SLC25A12: variants seen among roughly 807,000 people sequenced by gnomAD.
SLC25A12 encodes solute carrier family 25 member 12, also known as electrogenic aspartate/glutamate antiporter SLC25A12, mitochondrial.
Under a neutral mutation model 83.3 loss-of-function variants are expected in SLC25A12, and 32 were observed. The observed-to-expected ratio is 0.38, with a 90% confidence interval of 0.29 to 0.52. The LOEUF is 0.52. Ranked by LOEUF, SLC25A12 falls within the 20% of genes least tolerant of loss-of-function variation. SLC25A12 has a pLI of 0.84. For synonymous variants in SLC25A12, 267 were observed against 291.1 expected (o/e 0.92, Z 0.84); for missense variants, 611 against 835.6 (o/e 0.73, Z 3.31).
intron 5 of SLC25A12, among the ~76,000 whole-genome samples, chr2:171,843,449 A>G (rs1684724236): frequency 6.6e-6 from 1 of 151,924 alleles, no homozygotes. Context: ...CCTGGCCAAC[A>G]TGGCAAAACC....
chr2:171,849,714 C>T (rs919623154), intron 4 of SLC25A12, among the ~76,000 whole-genome samples: 4 of 151,682 alleles, frequency 2.6e-5, no homozygotes, highest in African/African-American at 9.7e-5. Context: ...CGCCACCATG[C>T]CCAGCTAATT....
intron 2 of SLC25A12, among the ~76,000 whole-genome samples, chr2:171,874,812 A>G (rs754249375): frequency 2.6e-5 from 4 of 152,206 alleles, no homozygotes; most frequent in Non-Finnish European, 5.9e-5. Flanking sequence ...TTCTCTTTTA[A>G]AAGTGGGAAT....
At chr2:171,840,013 G>C (rs1390498250) in intron 5 of SLC25A12, among the ~76,000 whole-genome samples, 5 of 152,108 alleles carry the variant, frequency 3.3e-5, no homozygotes, top group Admixed American at 1.3e-4. Flanking sequence ...ACAGTTGAGA[G>C]GGAGAATACT....
At chr2:171,880,496 T>A (rs1176467650) in intron 2 of SLC25A12, among the ~76,000 whole-genome samples, 1 of 152,178 alleles carries the variant, frequency 6.6e-6, no homozygotes, top group Non-Finnish European at 1.5e-5. Context: ...CAGGCTGGCC[T>A]CGAACTCCTG....
Position 171,844,488 on chromosome 2 carries a change from CA to C in SLC25A12, c.345del (p.Phe115LeufsTer62). On this transcript the variant is annotated frameshift_variant, in exon 5 of 18. Transcript: ENST00000422440. LOFTEE classifies it high-confidence loss of function. ...ATATGATGATGAATAATAGTCTGTC[CA>C]AAAATTTCTTTGACATTTTCTTAAA... is the stretch of plus-strand genomic sequence containing the variant. The part of the protein sequence containing the change: ...EVTFENVKEI[F>X]GQTIIHHHIP... 6.3e-7 allele frequency: 1 copy of C among 1,599,152 alleles called. No individual in the cohort carries two copies. The highest frequency in any genetic ancestry group is 8.6e-7 in the Non-Finnish European group (1 of 1,166,798).
intron 2 of SLC25A12, among the ~76,000 whole-genome samples, chr2:171,878,613 T>A (rs1397987529): frequency 2.0e-5 from 3 of 152,166 alleles, no homozygotes; most frequent in African/African-American, 4.8e-5. Flanking sequence ...CTAACCAACA[T>A]GTGGCTGTAA....
chr2:171,812,280 T>C (rs1210186559), intron 11 of SLC25A12, among the ~76,000 whole-genome samples: 3 of 152,192 alleles, frequency 2.0e-5, no homozygotes. Flanking sequence ...TGAATACCTG[T>C]ATATAATGCT....
chr2:171,824,814 T>C (rs942303887), intron 9 of SLC25A12, among the ~76,000 whole-genome samples: 3 of 151,988 alleles, frequency 2.0e-5, no homozygotes, highest in Admixed American at 1.3e-4. Context: ...CTTTTTTCTT[T>C]TTTTTTTTAA....
chr2:171,783,592 A>T lies in SLC25A12; in HGVS notation c.*1682T>A, dbSNP rs1315040380. Among the ~76,000 whole-genome samples the T allele has an allele frequency of 6.6e-6, 1 of 152,210 alleles. No individual in the cohort carries two copies. The highest frequency in any genetic ancestry group is 1.5e-5 in the Non-Finnish European group (1 of 68,044). On this transcript the variant is annotated 3_prime_UTR_variant, in exon 18 of 18. Coordinates refer to ENST00000422440, the MANE Select transcript of SLC25A12 (RefSeq NM_003705.5). ...TTCATGCTGTAACCTGTTAGCAGTG[A>T]TTACCTCTGGGCCAGGAAGTGGTGG...
intron 5 of SLC25A12, 23 bp downstream of exon 5, chr2:171,844,346 C>T (rs762775498): frequency 5.6e-6 from 9 of 1,610,934 alleles, no homozygotes; most frequent in Admixed American, 5.0e-5. Flanking sequence ...TATATTGATA[C>T]CTGTTATGAA....
At chr2:171,826,739 A>G (rs979277864) in intron 9 of SLC25A12, 59 bp downstream of exon 9, 65 of 939,170 alleles carry the variant, frequency 6.9e-5, no homozygotes, top group Admixed American at 1.0e-4. Context: ...GTCAGCTCCT[A>G]TTTAGTCTAC....
intron 2 of SLC25A12, among the ~76,000 whole-genome samples, chr2:171,887,664 A>G (rs757953409): frequency 6.6e-6 from 1 of 152,188 alleles, no homozygotes; most frequent in Non-Finnish European, 1.5e-5. Context: ...AGCTAAATTG[A>G]ATCAATGACA....
intron 3 of SLC25A12, among the ~76,000 whole-genome samples, chr2:171,864,152 C>T (rs1685230315): frequency 6.6e-6 from 1 of 152,170 alleles, no homozygotes; most frequent in Admixed American, 6.5e-5. Flanking sequence ...AATCTGTTTA[C>T]ATCTGTGGTA....
rs573729467 is a variant in SLC25A12, at chr2:171,888,617, A to G, written c.66+4588T>C. ...CTACCACATCTGGCTAATTTTTTATATTTTTTATAGAGACAGGGTTTCACC... is the reference window on the plus strand; with the variant it reads ...CTACCACATCTGGCTAATTTTTTATGTTTTTTATAGAGACAGGGTTTCACC... On this transcript the variant is annotated intron_variant, in intron 2 of 17. Coordinates refer to ENST00000422440, the MANE Select transcript of SLC25A12 (RefSeq NM_003705.5). Among the ~76,000 whole-genome samples, 74 of 148,636 alleles carry G rather than the reference A, an allele frequency of 5.0e-4. 1 individual carries two copies. Among genetic ancestry groups the G allele is most frequent in the African/African-American group, 1.8e-3 (74 of 40,282 alleles).
At chr2:171,890,096 G>C (rs866843935) in intron 2 of SLC25A12, among the ~76,000 whole-genome samples, 2 of 152,156 alleles carry the variant, frequency 1.3e-5, no homozygotes, top group Non-Finnish European at 2.9e-5. Flanking sequence ...TGAGAGAGCA[G>C]CTAGTCCAAT....
chr2:171,796,020 C>T (rs1683589860), intron 13 of SLC25A12, among the ~76,000 whole-genome samples: 1 of 152,296 alleles, frequency 6.6e-6, no homozygotes, highest in South Asian at 2.1e-4. Flanking sequence ...GAACAGCTCA[C>T]TGCAACCTCA....
At chr2:171,856,156 G>T (rs993669961) in intron 3 of SLC25A12, among the ~76,000 whole-genome samples, 4 of 152,024 alleles carry the variant, frequency 2.6e-5, no homozygotes, top group Non-Finnish European at 5.9e-5. Context: ...AATGAAACTG[G>T]GCAATAATCA....
At chr2:171,880,343 C>T (rs188655086) in intron 2 of SLC25A12, among the ~76,000 whole-genome samples, 4 of 152,012 alleles carry the variant, frequency 2.6e-5, no homozygotes, top group Admixed American at 6.6e-5. Flanking sequence ...AGTGCAGTGG[C>T]GTGACCTTGG....
At chr2:171,827,717 C>T (rs1009782952) in intron 8 of SLC25A12, among the ~76,000 whole-genome samples, 7 of 152,110 alleles carry the variant, frequency 4.6e-5, no homozygotes, top group Non-Finnish European at 8.8e-5. Context: ...TTTGTTTGTG[C>T]GTTTTGTCCA....
Sources: gnomAD v4.1 joint callset for allele counts (sites outside exome capture counted in the v4.1 genomes callset) on GRCh38, gnomAD v4.1.1 for gene constraint, MANE v1.5 for transcripts, NCBI Gene and HGNC (gene_info 2026-07-23, HGNC 2026-07-21) for gene names.